RIMBP2: variants seen among roughly 807,000 people sequenced by gnomAD.
RIMBP2 encodes the protein RIMS binding protein 2.
In RIMBP2, 48 loss-of-function variants were observed where a neutral mutation model predicts 118.6. That is an observed-to-expected ratio of 0.40 (90% CI 0.32 to 0.51). The LOEUF (loss-of-function observed/expected upper bound fraction) is 0.51, where lower values mean the gene tolerates loss of function less well. Ranked by LOEUF, RIMBP2 falls within the 20% of genes least tolerant of loss-of-function variation. The pLI, the probability that RIMBP2 is intolerant of heterozygous loss-of-function variation, is 0.41. For missense variants in RIMBP2, 1,551 were observed against 1,768.3 expected (o/e 0.88, Z 2.20); for synonymous variants, 762 against 742.9 (o/e 1.03, Z -0.42).
Position 130,626,843 on chromosome 12 carries a change from C to T in RIMBP2, c.-217+1479G>A, listed in dbSNP as rs544148767. ...GCATCACCACCATCTCCTCCATCAC[C>T]ATGACTATCAGTCATCACCATCATC... On this transcript the variant is annotated intron_variant, in intron 2 of 22. Coordinates refer to ENST00000690449, the MANE Select transcript of RIMBP2 (RefSeq NM_001393629.1). Among the ~76,000 whole-genome samples the T allele has an allele frequency of 4.0e-5, 6 of 149,810 alleles. No individual in the cohort carries two copies. The South Asian group carries it at 1.1e-3, about 27-fold the overall frequency.
At chr12:130,470,765 G>T in intron 5 of RIMBP2, 22 bp from the exon 6 acceptor site, 1 of 1,224,606 alleles carries the variant, frequency 8.2e-7, no homozygotes, top group Non-Finnish European at 1.0e-6. Context: ...TGAAAAGAGA[G>T]AAAAGAGTAA....
chr12:130,641,722 C>T (rs2062631874), intron 1 of RIMBP2, among the ~76,000 whole-genome samples: 1 of 152,156 alleles, frequency 6.6e-6, no homozygotes, highest in African/African-American at 2.4e-5. Context: ...GCTGAGAGCA[C>T]TCCGGGAAAA....
intron 4 of RIMBP2, among the ~76,000 whole-genome samples, chr12:130,498,360 A>G (rs1211462774): frequency 6.6e-6 from 1 of 152,224 alleles, no homozygotes; most frequent in Non-Finnish European, 1.5e-5. Flanking sequence ...ATCAATCAGT[A>G]TTTATCGAGT....
chr12:130,400,131 T>A (rs1165135067), intron 21 of RIMBP2, among the ~76,000 whole-genome samples: 1 of 152,128 alleles, frequency 6.6e-6, no homozygotes. Flanking sequence ...TCTCATTTAG[T>A]GGTTCTCGGG....
chr12:130,455,620 G>A (rs1347823042), intron 7 of RIMBP2, among the ~76,000 whole-genome samples: 2 of 152,220 alleles, frequency 1.3e-5, no homozygotes, highest in African/African-American at 4.8e-5. Context: ...ATGTTTTTTA[G>A]CAAGACACAA....
At position 130,442,093 on chromosome 12, in the gene RIMBP2, G is replaced by A. The variant is rs1233215320; in HGVS notation, c.1259C>T (p.Thr420Met). 4.3e-6 allele frequency: 7 copies of A among 1,614,058 alleles called. No homozygotes were observed. The highest frequency in any genetic ancestry group is 5.1e-6 in the Non-Finnish European group (6 of 1,180,044). Residue 420 changes from threonine (T) to methionine (M), a missense_variant, in exon 11 of 23, where the codon ACG becomes ATG. By Grantham distance (81) the Thr-to-Met change is moderately conservative. This residue lies in a region of RIMBP2 where 265 missense variants were observed against 349.5 expected (regional missense o/e 0.76). Coordinates refer to ENST00000690449, the MANE Select transcript of RIMBP2 (RefSeq NM_001393629.1). This position sits in a 1 kb window ranked among gnomAD's most constrained non-coding sequence, Gnocchi z 6.9. ...CCAGGAGAGCTGGGCGGAGATCTGCGTGATGTTGTCCACCCGCAGGTGGGA... is the reference window on the plus strand; with the variant it reads ...CCAGGAGAGCTGGGCGGAGATCTGCATGATGTTGTCCACCCGCAGGTGGGA... Reference protein sequence around the residue: ...APSHLRVDNITQISAQLSWLP... With the variant: ...APSHLRVDNIMQISAQLSWLP...
chr12:130,613,833 A>AACTCAGT (rs1555308705), intron 2 of RIMBP2, among the ~76,000 whole-genome samples: 1 of 150,360 alleles, frequency 6.7e-6, no homozygotes, highest in Non-Finnish European at 1.5e-5. Flanking sequence ...AAAAAAAAAA[A>AACTCAGT]CTCAGTCTCA....
intron 2 of RIMBP2, among the ~76,000 whole-genome samples, chr12:130,531,418 A>G (rs904960238): frequency 2.0e-5 from 3 of 152,198 alleles, no homozygotes; most frequent in African/African-American, 7.2e-5. Context: ...TATTCTATGT[A>G]AATGTAATAA....
chr12:130,561,974 T>C (rs1246458454), intron 2 of RIMBP2, among the ~76,000 whole-genome samples: 2 of 152,072 alleles, frequency 1.3e-5, no homozygotes, highest in South Asian at 2.1e-4. Flanking sequence ...TGTTAAAATA[T>C]AGAAAAGTGC....
At chr12:130,563,352 A>G (rs2056963634) in intron 2 of RIMBP2, among the ~76,000 whole-genome samples, 2 of 152,264 alleles carry the variant, frequency 1.3e-5, no homozygotes, top group Admixed American at 6.5e-5. Flanking sequence ...TAACCTGAGC[A>G]TGAGAAGGCT....
At chr12:130,522,760 G>T (rs2052287637) in intron 2 of RIMBP2, among the ~76,000 whole-genome samples, 2 of 152,116 alleles carry the variant, frequency 1.3e-5, no homozygotes, top group African/African-American at 4.8e-5. Flanking sequence ...AGTGCCTGAG[G>T]CTGTCTCCCT....
Position 130,424,366 on chromosome 12 carries a change from T to A in RIMBP2, c.2905A>T (p.Ser969Cys). The change falls in exon 16 of 23, where the codon AGC becomes TGC. Residue 969 changes from serine to cysteine, a missense_variant. Coordinates refer to ENST00000690449, the MANE Select transcript of RIMBP2 (RefSeq NM_001393629.1). The surrounding 1 kb of genome is among the most constrained non-coding windows in gnomAD (Gnocchi z 9.8). ...ARRRTLTRQS[S>C]VEEDFGEQVG... Reference sequence around the variant, plus strand: ...TGCTCCCCAAAGTCCTCCTCCACGCTGCTCTGCCGGGTCAGCGTCCGCCGC... The same window carrying A: ...TGCTCCCCAAAGTCCTCCTCCACGCAGCTCTGCCGGGTCAGCGTCCGCCGC... 1.6e-6 allele frequency: 2 copies of A among 1,232,576 alleles called. No homozygotes were observed. The highest frequency in any genetic ancestry group is 2.0e-6 in the Non-Finnish European group (2 of 988,120). 76.4% of individuals were successfully genotyped at this position (1,232,576 alleles called of 1,614,324 possible).
intron 6 of RIMBP2, chr12:130,465,574 T>A (rs4759691): frequency 6.6e-6 from 1 of 152,154 alleles, no homozygotes; most frequent in Non-Finnish European, 1.5e-5. Flanking sequence ...GCCCTGGCAC[T>A]TGGGAGCTGT....
chr12:130,577,927 G>T (rs188739491), intron 2 of RIMBP2, among the ~76,000 whole-genome samples: 1 of 152,140 alleles, frequency 6.6e-6, no homozygotes, highest in South Asian at 2.1e-4. Context: ...ACTATATGCC[G>T]ATTAGCTTGA....
chr12:130,495,413 C>T (rs2049053533), intron 4 of RIMBP2, among the ~76,000 whole-genome samples: 4 of 143,110 alleles, frequency 2.8e-5, no homozygotes, highest in South Asian at 2.5e-4. Flanking sequence ...ACTGTCATCA[C>T]GTGGGCCTCA....
rs2076469335 is a variant in RIMBP2 at position 130,422,365 on chromosome 12, C to T, written c.3238+88G>A. 1.2e-6 allele frequency: 1 copy of T among 820,110 alleles called. No homozygotes were observed. Among genetic ancestry groups the T allele is most frequent in the Non-Finnish European group, 1.9e-6 (1 of 513,586 alleles). The allele number at this position is 820,110 out of a possible 1,614,324, so 50.8% of individuals were successfully genotyped here. A position where few individuals can be genotyped will look rare whatever the true frequency, so the allele number is the denominator to read the frequency against. ...GTTCTTTGCTTAGCGGAAAATGCTACTCCTAAAGTTTTGTTCATGCTTAGA... is the reference window on the plus strand; with the variant it reads ...GTTCTTTGCTTAGCGGAAAATGCTATTCCTAAAGTTTTGTTCATGCTTAGA... On this transcript the variant is annotated intron_variant, in intron 17 of 22. Transcript: ENST00000690449. The surrounding 1 kb of genome is among the most constrained non-coding windows in gnomAD (Gnocchi z 5.2).
Position 130,414,085 on chromosome 12 carries a change from CAG to C in RIMBP2, c.3420+38_3420+39del, listed in dbSNP as rs1479149857. 2.1e-5 allele frequency: 34 copies of C among 1,606,168 alleles called. 1 individual carries two copies. Among genetic ancestry groups the C allele is most frequent in the Middle Eastern group, 1.8e-4 (1 of 5,472 alleles). On this transcript the variant is annotated intron_variant, in intron 18 of 22. Coordinates refer to ENST00000690449, the MANE Select transcript of RIMBP2 (RefSeq NM_001393629.1). ...CTGCCCCCATGACCCAGACCCGCCT[CAG>C]GGGCTGATGAAGCCGCCCGCAGGCA... is the stretch of plus-strand genomic sequence containing the variant.
intron 5 of RIMBP2, among the ~76,000 whole-genome samples, chr12:130,473,445 G>A (rs1471997005): frequency 6.6e-6 from 1 of 152,216 alleles, no homozygotes; most frequent in African/African-American, 2.4e-5. Context: ...TGGGGGGATG[G>A]CGCTCACAGA....
chr12:130,490,752 T>A (rs2048562361), intron 4 of RIMBP2, among the ~76,000 whole-genome samples: 2 of 152,284 alleles, frequency 1.3e-5, no homozygotes, highest in South Asian at 4.1e-4. Context: ...CTGAGACCTG[T>A]GAGTTCAGCA....
Sources: gnomAD v4.1 joint callset for allele counts (sites outside exome capture counted in the v4.1 genomes callset) on GRCh38, gnomAD v4.1.1 for gene constraint, gnomAD v4.1.1 regional missense constraint, Gnocchi (gnomAD v3.1) non-coding constraint, MANE v1.5 for transcripts, NCBI Gene and HGNC (gene_info 2026-07-23, HGNC 2026-07-21) for gene names.